The following SPOPL variants were observed in gnomAD, a reference collection of about 807,000 sequenced individuals.
SPOPL encodes the protein speckle-type POZ protein-like.
In SPOPL, 23 loss-of-function variants were observed where a neutral mutation model predicts 53.8. The observed-to-expected ratio is 0.43, with a 90% CI of 0.31 to 0.61. The LOEUF (loss-of-function observed/expected upper bound fraction) is 0.61, where lower values mean the gene tolerates loss of function less well. SPOPL is among the 20% of genes least tolerant of loss of function. SPOPL has a pLI of 0.12. For synonymous variants in SPOPL, 164 were observed against 149.7 expected (o/e 1.10, Z -0.70); for missense variants, 442 against 466.9 (o/e 0.95, Z 0.49).
At chr2:138,555,544 CT>C (rs1230870377) in intron 5 of SPOPL, among the ~76,000 whole-genome samples, 1 of 152,058 alleles carries the variant, frequency 6.6e-6, no homozygotes, top group Non-Finnish European at 1.5e-5. Flanking sequence ...TGAAATTCGA[CT>C]GTTAAAAGTT....
intron 5 of SPOPL, 134 bp downstream of exon 5, chr2:138,552,815 G>GA: frequency 3.6e-6 from 4 of 1,100,440 alleles, no homozygotes; most frequent in Non-Finnish European, 5.0e-6. Flanking sequence ...TTCTTGACTA[G>GA]AAAAAGCTTA....
intron 1 of SPOPL, among the ~76,000 whole-genome samples, chr2:138,537,740 T>A (rs1684968067): frequency 6.6e-6 from 1 of 152,178 alleles, no homozygotes; most frequent in Admixed American, 6.5e-5. Flanking sequence ...CTCCTTGAGT[T>A]AGGACAGAGC....
intron 1 of SPOPL, among the ~76,000 whole-genome samples, chr2:138,530,663 A>T (rs1573882583): frequency 6.6e-6 from 1 of 152,232 alleles, no homozygotes; most frequent in Non-Finnish European, 1.5e-5. Flanking sequence ...ACATAAAAAT[A>T]TAATGGATTT....
At chr2:138,507,724 C>A (rs1487106423) in intron 1 of SPOPL, among the ~76,000 whole-genome samples, 1 of 152,166 alleles carries the variant, frequency 6.6e-6, no homozygotes, top group Non-Finnish European at 1.5e-5. Context: ...GAACTTGTAT[C>A]TTTTTTGGAT....
intron 5 of SPOPL, among the ~76,000 whole-genome samples, chr2:138,555,884 C>CTTTT (rs369256513): frequency 2.2e-4 from 32 of 146,316 alleles, no homozygotes; most frequent in African/African-American, 7.2e-4. Context: ...ACATTTGCCT[C>CTTTT]TTTTTTTTTT....
intron 4 of SPOPL, among the ~76,000 whole-genome samples, chr2:138,551,291 A>G (rs1314309864): frequency 6.6e-6 from 1 of 152,102 alleles, no homozygotes; most frequent in Non-Finnish European, 1.5e-5. Flanking sequence ...TCCTAAAATG[A>G]CATCCAGTTG....
rs1685748390 is a variant in SPOPL at position 138,570,056 on chromosome 2, T to C, written c.*976T>C. On this transcript the variant is annotated 3_prime_UTR_variant, in exon 11 of 11. Coordinates refer to ENST00000280098, the MANE Select transcript of SPOPL (RefSeq NM_001001664.3). ...ATGGAGGCAACTGGGATGTTTGTGA[T>C]AATAGATGAGAAAGACATCCTTGAT... is the stretch of plus-strand genomic sequence containing the variant. The C allele has an allele frequency of 6.6e-6, 1 of 152,574 alleles. No individual in the cohort carries two copies. The highest frequency in any genetic ancestry group is 1.5e-5 in the Non-Finnish European group (1 of 68,026). 9.5% of individuals were successfully genotyped at this position (152,574 alleles called of 1,614,324 possible). A position where few individuals can be genotyped will look rare whatever the true frequency, so the allele number is the denominator to read the frequency against.
rs1685732195 is a variant in SPOPL at position 138,569,389 on chromosome 2, C to T, written c.*309C>T. 1 of 232,804 alleles carries T rather than the reference C, an allele frequency of 4.3e-6. No homozygotes were observed. The highest frequency in any genetic ancestry group is 8.3e-6 in the Non-Finnish European group (1 of 120,274). The allele number at this position is 232,804 out of a possible 1,614,324, so 14.4% of individuals were successfully genotyped here. ...AGGCTATGCAGGATTGCACTAGCTC[C>T]ATAATGCAGTAATATTGATAACTGA... On this transcript the variant is annotated 3_prime_UTR_variant, in exon 11 of 11. Transcript: ENST00000280098.
chr2:138,550,646 G>C lies in SPOPL; in HGVS notation c.200+42G>C, dbSNP rs373760218. The C allele has an allele frequency of 8.9e-6, 14 of 1,577,058 alleles. No homozygotes were observed. In the African/African-American group the frequency reaches 1.8e-4, roughly 20 times the overall value. ...CTTTGAATTTTTGTTTTTTGTTTTT[G>C]ATGTGATCATCAGCTGCTCATGATT... On this transcript the variant is annotated intron_variant, in intron 3 of 10. Transcript: ENST00000280098.
At chr2:138,525,656 G>GAAAAA (rs71406327) in intron 1 of SPOPL, among the ~76,000 whole-genome samples, 2 of 30,018 alleles carry the variant, frequency 6.7e-5, no homozygotes, top group African/African-American at 1.6e-4. Context: ...ATAAAAAGTA[G>GAAAAA]AAAAAAAAAA....
In SPOPL at chr2:138,569,646, G is replaced by A. The variant is rs993110692; in HGVS notation, c.*566G>A. On this transcript the variant is annotated 3_prime_UTR_variant, in exon 11 of 11. Transcript: ENST00000280098. ...TCTAATTTATTTTTCATTTCAGGGGGCAAATATGCAATGAGTTGGCCTAGA... is the reference window on the plus strand; with the variant it reads ...TCTAATTTATTTTTCATTTCAGGGGACAAATATGCAATGAGTTGGCCTAGA... 3.3e-5 allele frequency: 5 copies of A among 152,078 alleles called. No homozygotes were observed. The highest frequency in any genetic ancestry group is 9.7e-5 in the African/African-American group (4 of 41,392). 9.4% of individuals were successfully genotyped at this position (152,078 alleles called of 1,614,324 possible).
At chr2:138,563,600 T>C (rs1203360231) in intron 8 of SPOPL, among the ~76,000 whole-genome samples, 2 of 152,218 alleles carry the variant, frequency 1.3e-5, no homozygotes, top group African/African-American at 2.4e-5. Context: ...CTAAGTGTTA[T>C]CAAGGATGTG....
At chr2:138,538,586 C>G (rs1558871151) in intron 1 of SPOPL, among the ~76,000 whole-genome samples, 1 of 152,152 alleles carries the variant, frequency 6.6e-6, no homozygotes, top group Non-Finnish European at 1.5e-5. Context: ...TTTCCATACA[C>G]AAGAACCCTT....
chr2:138,520,815 A>G (rs1012601445), intron 1 of SPOPL, among the ~76,000 whole-genome samples: 1 of 152,232 alleles, frequency 6.6e-6, no homozygotes, highest in Non-Finnish European at 1.5e-5. Context: ...ATATATTACT[A>G]TAATTTGAAA....
At chr2:138,533,521 A>G (rs191399584) in intron 1 of SPOPL, among the ~76,000 whole-genome samples, 179 of 152,296 alleles carry the variant, frequency 1.2e-3, no homozygotes, top group African/African-American at 4.3e-3. Context: ...ATCTAAGCAT[A>G]TAATAAATGT....
intron 1 of SPOPL, among the ~76,000 whole-genome samples, chr2:138,522,863 G>A (rs550041872): frequency 1.3e-5 from 2 of 152,254 alleles, no homozygotes; most frequent in South Asian, 2.1e-4. Context: ...TTCACGTGTA[G>A]GTCAAAATTA....
intron 5 of SPOPL, among the ~76,000 whole-genome samples, chr2:138,558,210 CTT>C (rs1421369079): frequency 6.6e-6 from 1 of 151,882 alleles, no homozygotes; most frequent in Non-Finnish European, 1.5e-5. Flanking sequence ...GTGTGCAAGA[CTT>C]AATAGTGTTT....
intron 7 of SPOPL, among the ~76,000 whole-genome samples, chr2:138,560,325 G>C (rs1288295068): frequency 6.6e-6 from 1 of 152,068 alleles, no homozygotes; most frequent in Non-Finnish European, 1.5e-5. Context: ...CAGGATCTTA[G>C]GTGTTGTATT....
At chr2:138,524,251 G>T (rs1164641524) in intron 1 of SPOPL, among the ~76,000 whole-genome samples, 1 of 152,208 alleles carries the variant, frequency 6.6e-6, no homozygotes, top group African/African-American at 2.4e-5. Flanking sequence ...TTTAGTCACA[G>T]CTGGAGCGGC....
Sources: allele counts gnomAD v4.1 joint callset (sites outside exome capture counted in the v4.1 genomes callset), GRCh38; gene constraint gnomAD v4.1.1; transcripts MANE v1.5; gene names NCBI Gene and HGNC (gene_info 2026-07-23, HGNC 2026-07-21).